BPIFB3: variants seen among roughly 807,000 people sequenced by gnomAD.
BPIFB3 encodes BPI fold-containing family B member 3.
Under a neutral mutation model 53.1 loss-of-function variants are expected in BPIFB3, and 49 were observed. The observed-to-expected ratio is 0.92, with a 90% CI of 0.73 to 1.17. The LOEUF (loss-of-function observed/expected upper bound fraction) is 1.17. Ranked by LOEUF, BPIFB3 falls within the 50% of genes most tolerant of loss-of-function variation. The probability of loss-of-function intolerance (pLI) is 0.00; values close to 1 mark genes in which losing one functional copy is unlikely to be tolerated. For synonymous variants in BPIFB3, 271 were observed against 269.6 expected (o/e 1.01, Z -0.05); for missense variants, 628 against 592.5 (o/e 1.06, Z -0.62).
upstream of BPIFB3, among the ~76,000 whole-genome samples, chr20:33,054,185 G>A (rs1980100975): frequency 6.6e-6 from 1 of 152,022 alleles, no homozygotes; most frequent in South Asian, 2.1e-4. Context: ...GGTGGGCAGG[G>A]GATCCCTGTC....
At chr20:33,072,684 G>C in intron 13 of BPIFB3, 33 bp from the exon 15 acceptor site, 1 of 1,587,402 alleles carries the variant, frequency 6.3e-7, no homozygotes, top group Non-Finnish European at 8.7e-7. Flanking sequence ...CCCCACCAAT[G>C]TACCTTTGTT....
chr20:33,068,549 A>G (rs535826269), intron 9 of BPIFB3, among the ~76,000 whole-genome samples: 1 of 152,282 alleles, frequency 6.6e-6, no homozygotes, highest in South Asian at 2.1e-4. Context: ...GATGGAGGAC[A>G]CAGAGCCTAT....
chr20:33,055,761 G>C (rs1317585651), intron 1 of BPIFB3, among the ~76,000 whole-genome samples: 1 of 152,188 alleles, frequency 6.6e-6, no homozygotes, highest in African/African-American at 2.4e-5. Flanking sequence ...AGGTGGACTG[G>C]GTGATATGGG....
Position 33,066,897 on chromosome 20 carries a change from G to A in BPIFB3, c.978+20G>A, listed in dbSNP as rs1376158149. On this transcript the variant is annotated intron_variant, in intron 9 of 14. Coordinates refer to ENST00000375494, the Ensembl canonical transcript of BPIFB3. ...CCTGAGGTGAGTGACGCTCTCATGG[G>A]TTTTGATCATTGTAGCTCTTTCCTG... is the stretch of plus-strand genomic sequence containing the variant. 6.2e-7 allele frequency: 1 copy of A among 1,612,048 alleles called. No individual in the cohort carries two copies. Among genetic ancestry groups the A allele is most frequent in the Admixed American group, 1.7e-5 (1 of 60,018 alleles).
intron 8 of BPIFB3, among the ~76,000 whole-genome samples, chr20:33,065,569 AAGAG>A (rs1010196518): frequency 2.9e-5 from 4 of 136,106 alleles, no homozygotes; most frequent in African/African-American, 8.0e-5. Flanking sequence ...AAAAGAAAGA[AAGAG>A]AGAGAAAAGA....
intron 14 of BPIFB3, among the ~76,000 whole-genome samples, chr20:33,073,046 A>C (rs1003026924): frequency 1.6e-4 from 25 of 152,244 alleles, no homozygotes; most frequent in Admixed American, 1.6e-3. Flanking sequence ...CATTGGATTC[A>C]GAGACATGTC....
upstream of BPIFB3, among the ~76,000 whole-genome samples, chr20:33,054,283 C>T (rs1980104993): frequency 6.6e-6 from 1 of 152,090 alleles, no homozygotes; most frequent in South Asian, 2.1e-4. Context: ...CCCCTGCCCC[C>T]TCAGCAGGGA....
upstream of BPIFB3, among the ~76,000 whole-genome samples, chr20:33,055,084 G>C (rs1355018611): frequency 2.6e-5 from 4 of 152,254 alleles, no homozygotes; most frequent in African/African-American, 9.6e-5. Context: ...TTTTATGTCA[G>C]ATGGACTCAG....
chr20:33,054,294 C>T (rs994178856), upstream of BPIFB3, among the ~76,000 whole-genome samples: 2 of 152,108 alleles, frequency 1.3e-5, no homozygotes, highest in Admixed American at 6.5e-5. Context: ...TCAGCAGGGA[C>T]CCCTTCTGAC....
chr20:33,070,557 G>C (rs1228929661), intron 11 of BPIFB3, among the ~76,000 whole-genome samples: 1 of 152,200 alleles, frequency 6.6e-6, no homozygotes, highest in African/African-American at 2.4e-5. Context: ...CTGCAGTCTG[G>C]GCCTCAGTGC....
upstream of BPIFB3, among the ~76,000 whole-genome samples, chr20:33,055,244 C>A (rs1980140588): frequency 6.6e-6 from 1 of 152,192 alleles, no homozygotes; most frequent in African/African-American, 2.4e-5. Flanking sequence ...GGCAGCTGCA[C>A]CGTGCCACCT....
chr20:33,064,229 A>G (rs1287857046), intron 6 of BPIFB3, among the ~76,000 whole-genome samples: 1 of 152,158 alleles, frequency 6.6e-6, no homozygotes, highest in Admixed American at 6.5e-5. Flanking sequence ...CAACTCTGGA[A>G]AACAGGAATC....
In BPIFB3 at chr20:33,061,309, C is replaced by A. The variant is rs187116187; in HGVS notation, c.528-459C>A. Among the ~76,000 whole-genome samples the A allele has an allele frequency of 1.2e-4, 19 of 152,224 alleles. No individual in the cohort carries two copies. The East Asian group carries it at 1.7e-3, about 14-fold the overall frequency. On this transcript the variant is annotated intron_variant, in intron 4 of 14. Coordinates refer to ENST00000375494, the Ensembl canonical transcript of BPIFB3. ...CCCATGGTCTCCAAACAGACCTGAG[C>A]CTGTCTACATGCACTTATCCTCAGG...
At chr20:33,067,192 C>T (rs1440262433) in intron 9 of BPIFB3, among the ~76,000 whole-genome samples, 1 of 152,238 alleles carries the variant, frequency 6.6e-6, no homozygotes, top group Non-Finnish European at 1.5e-5. Flanking sequence ...CTTACTTCAT[C>T]CTGACCTTAG....
upstream of BPIFB3, chr20:33,055,368 G>A (rs538332283): frequency 9.1e-5 from 145 of 1,598,200 alleles, 1 homozygote; most frequent in South Asian, 1.5e-3. Context: ...AACAGAGAGG[G>A]GAAAGGCTTG....
intron 11 of BPIFB3, among the ~76,000 whole-genome samples, chr20:33,070,751 ACTTTGATGGAGGG>A (rs372599387): frequency 1.3e-3 from 196 of 152,302 alleles, no homozygotes; most frequent in African/African-American, 4.5e-3. Context: ...CCCATTGCCG[ACTTTGATGGAGGG>A]CCTCGCCTGC....
chr20:33,072,426 T>A (rs1980943616), intron 13 of BPIFB3, among the ~76,000 whole-genome samples: 1 of 152,208 alleles, frequency 6.6e-6, no homozygotes, highest in Admixed American at 6.5e-5. Flanking sequence ...TAGTAGGAAA[T>A]AATCATATAA....
Position 33,064,852 on chromosome 20 carries a change from G to T in BPIFB3, c.924+7G>T, listed in dbSNP as rs760540176. On this transcript the variant is annotated splice_region_variant and intron_variant, in intron 8 of 14. Coordinates refer to ENST00000375494, the Ensembl canonical transcript of BPIFB3. Reference sequence around the variant, plus strand: ...GGACATCACCCCTGAGCTGGTGAGTGTGGTGCCCGGGGGATGGGGATGGGG... The same window carrying T: ...GGACATCACCCCTGAGCTGGTGAGTTTGGTGCCCGGGGGATGGGGATGGGG... 2.6e-5 allele frequency: 42 copies of T among 1,610,204 alleles called. No individual in the cohort carries two copies. In the South Asian group the frequency reaches 4.2e-4, roughly 16 times the overall value.
chr20:33,072,966 A>G (rs899652906), intron 14 of BPIFB3, among the ~76,000 whole-genome samples, 173 bp downstream of exon 15: 5 of 152,206 alleles, frequency 3.3e-5, no homozygotes, highest in Non-Finnish European at 2.9e-5. Context: ...CAAATATATG[A>G]CATGTGTGCT....
Sources: allele counts gnomAD v4.1 joint callset (sites outside exome capture counted in the v4.1 genomes callset), GRCh38; gene constraint gnomAD v4.1.1; transcripts MANE v1.5; gene names NCBI Gene and HGNC (gene_info 2026-07-23, HGNC 2026-07-21).